The following PTPRD variants were observed in gnomAD, a reference collection of about 807,000 sequenced individuals.
PTPRD encodes receptor-type tyrosine-protein phosphatase delta.
PTPRD carries 34 observed loss-of-function variants against 214.5 expected under a neutral mutation model. That is an observed-to-expected ratio of 0.16 (90% confidence interval 0.12 to 0.21). The LOEUF (loss-of-function observed/expected upper bound fraction) is 0.21, where lower values mean the gene tolerates loss of function less well. PTPRD is among the 10% of genes least tolerant of loss of function. The pLI is 1.00. For missense variants in PTPRD, 2,545 were observed against 2,398.7 expected (o/e 1.06, Z -1.27); for synonymous variants, 1,128 against 845.7 (o/e 1.33, Z -5.79).
intron 45 of PTPRD, among the ~76,000 whole-genome samples, chr9:8,318,761 G>T (rs930120660): frequency 2.6e-5 from 4 of 152,016 alleles, no homozygotes; most frequent in African/African-American, 9.7e-5. Context: ...GCCTTTTTCA[G>T]ACAACGAAGA....
intron 8 of PTPRD, among the ~76,000 whole-genome samples, chr9:9,424,069 T>C (rs2079871890): frequency 6.6e-6 from 1 of 152,182 alleles, no homozygotes; most frequent in Non-Finnish European, 1.5e-5. Flanking sequence ...TGCTCAAGGC[T>C]GCATTCCATC....
chr9:10,398,075 T>C (rs1008746632), intron 2 of PTPRD, among the ~76,000 whole-genome samples: 1 of 151,472 alleles, frequency 6.6e-6, no homozygotes, highest in African/African-American at 2.4e-5. Context: ...TGTTTAGCAA[T>C]TTATATAATA....
chr9:8,879,318 G>A (rs188377462), intron 11 of PTPRD, among the ~76,000 whole-genome samples: 2 of 152,158 alleles, frequency 1.3e-5, no homozygotes, highest in East Asian at 3.9e-4. Context: ...TAGTGGAGAG[G>A]GTCAGTAATG....
At chr9:8,667,294 A>G (rs1596446070) in intron 12 of PTPRD, among the ~76,000 whole-genome samples, 1 of 152,176 alleles carries the variant, frequency 6.6e-6, no homozygotes, top group African/African-American at 2.4e-5. Flanking sequence ...AGCCGAGATC[A>G]TGCCATTGCA....
At chr9:8,332,178 A>G (rs1421445520) in intron 43 of PTPRD, among the ~76,000 whole-genome samples, 2 of 152,228 alleles carry the variant, frequency 1.3e-5, no homozygotes, top group Non-Finnish European at 2.9e-5. Context: ...TATTGAAACA[A>G]GCACCTAGGC....
At chr9:8,529,952 C>A (rs1014628220) in intron 14 of PTPRD, among the ~76,000 whole-genome samples, 1 of 152,048 alleles carries the variant, frequency 6.6e-6, no homozygotes, top group Non-Finnish European at 1.5e-5. Flanking sequence ...TTAATCAATA[C>A]CCCCTCACGG....
At chr9:9,957,869 A>G (rs546161356) in intron 4 of PTPRD, among the ~76,000 whole-genome samples, 122 of 152,144 alleles carry the variant, frequency 8.0e-4, no homozygotes, top group African/African-American at 2.6e-3. Context: ...GATTAGCACT[A>G]TAAGACAGGG....
intron 9 of PTPRD, among the ~76,000 whole-genome samples, chr9:9,396,353 T>C (rs1404387568): frequency 2.0e-5 from 3 of 152,102 alleles, no homozygotes; most frequent in Non-Finnish European, 4.4e-5. Context: ...ATGCATATTA[T>C]TGGGCCTTAC....
chr9:8,719,215 G>T (rs900314345), intron 12 of PTPRD, among the ~76,000 whole-genome samples: 1 of 152,132 alleles, frequency 6.6e-6, no homozygotes, highest in Admixed American at 6.5e-5. Flanking sequence ...TTTTTCAGGA[G>T]TTTGCAATTT....
chr9:8,925,370 G>C (rs1227054127), intron 11 of PTPRD, among the ~76,000 whole-genome samples: 2 of 151,948 alleles, frequency 1.3e-5, no homozygotes, highest in Admixed American at 6.6e-5. Context: ...TAGTCTCCCA[G>C]GTTTAAAATA....
chr9:8,550,357 T>G lies in PTPRD; in HGVS notation c.353-21578A>C, dbSNP rs199764059. Among the ~76,000 whole-genome samples, 12 of 152,320 alleles carry G rather than the reference T, an allele frequency of 7.9e-5. No individual in the cohort carries two copies. The East Asian group carries it at 2.3e-3, about 29-fold the overall frequency. On this transcript the variant is annotated intron_variant, in intron 14 of 45. Transcript: ENST00000381196. ...ACTCAAAAGTAGATTTGTCATATAG[T>G]AAATACTTTAAAAATTTACTATTAC...
intron 2 of PTPRD, among the ~76,000 whole-genome samples, chr9:10,510,825 C>A (rs192401042): frequency 6.6e-6 from 1 of 152,016 alleles, no homozygotes; most frequent in Non-Finnish European, 1.5e-5. Context: ...ATTTTTGTAC[C>A]TATTAACCAA....
chr9:9,287,045 C>G (rs1209981512), intron 9 of PTPRD, among the ~76,000 whole-genome samples: 3 of 149,632 alleles, frequency 2.0e-5, no homozygotes, highest in Non-Finnish European at 4.5e-5. Flanking sequence ...GCCAACATGG[C>G]AAAACACTGT....
chr9:9,044,702 T>C (rs1038370851), intron 10 of PTPRD, among the ~76,000 whole-genome samples: 3 of 152,220 alleles, frequency 2.0e-5, no homozygotes, highest in Non-Finnish European at 4.4e-5. Flanking sequence ...ACTTGAGTCA[T>C]TTTCTGCTTA....
intron 21 of PTPRD, among the ~76,000 whole-genome samples, chr9:8,516,306 A>G (rs2097779869): frequency 6.6e-6 from 1 of 152,208 alleles, no homozygotes; most frequent in South Asian, 2.1e-4. Flanking sequence ...TGGCACACAG[A>G]GAAGATATAT....
intron 9 of PTPRD, among the ~76,000 whole-genome samples, chr9:9,228,591 A>T (rs1231877946): frequency 2.0e-5 from 3 of 152,020 alleles, no homozygotes; most frequent in African/African-American, 4.8e-5. Flanking sequence ...AACAGGTTTA[A>T]ATCTCATTTT....
At chr9:10,106,813 A>G (rs1350244583) in intron 3 of PTPRD, among the ~76,000 whole-genome samples, 4 of 152,066 alleles carry the variant, frequency 2.6e-5, no homozygotes, top group Non-Finnish European at 5.9e-5. Context: ...GTCAGCTTAA[A>G]TATGTAAAAT....
chr9:8,923,549 G>C (rs1431647519), intron 11 of PTPRD, among the ~76,000 whole-genome samples: 1 of 152,098 alleles, frequency 6.6e-6, no homozygotes, highest in African/African-American at 2.4e-5. Flanking sequence ...TCACCAGCAA[G>C]ACGTACAGAA....
intron 7 of PTPRD, among the ~76,000 whole-genome samples, chr9:9,632,025 T>C (rs957217460): frequency 3.9e-5 from 6 of 152,108 alleles, no homozygotes; most frequent in African/African-American, 1.4e-4. Flanking sequence ...GGCAAATCAT[T>C]CCAATGCAAA....
Sources: allele counts gnomAD v4.1 joint callset (sites outside exome capture counted in the v4.1 genomes callset), GRCh38; gene constraint gnomAD v4.1.1; transcripts MANE v1.5; gene names NCBI Gene and HGNC (gene_info 2026-07-23, HGNC 2026-07-21).